PALD1: variants seen among roughly 807,000 people sequenced by gnomAD.
The protein encoded by PALD1 is phosphatase domain containing paladin 1.
PALD1 carries 57 observed loss-of-function variants against 96.0 expected under a neutral mutation model. That is an observed-to-expected ratio of 0.59 (90% confidence interval 0.48 to 0.74). The LOEUF is 0.74. Ranked by LOEUF, PALD1 falls within the 30% of genes least tolerant of loss-of-function variation. The probability of loss-of-function intolerance (pLI) is 0.00; values close to 1 mark genes in which losing one functional copy is unlikely to be tolerated. For missense variants in PALD1, 1,063 were observed against 1,143.7 expected (o/e 0.93, Z 1.02); for synonymous variants, 464 against 473.6 (o/e 0.98, Z 0.26).
At chr10:70,526,384 C>T (rs941918414) in intron 2 of PALD1, among the ~76,000 whole-genome samples, 7 of 152,096 alleles carry the variant, frequency 4.6e-5, no homozygotes, top group East Asian at 3.9e-4. Context: ...TGGGGGAATG[C>T]GGAGGAGGAG....
At position 70,533,158 on chromosome 10, in the gene PALD1, C is replaced by T; in HGVS notation, c.870+88C>T. 3 of 1,041,770 alleles carry T rather than the reference C, an allele frequency of 2.9e-6. No homozygotes were observed. The South Asian group carries it at 4.1e-5, about 14-fold the overall frequency. 64.5% of individuals were successfully genotyped at this position (1,041,770 alleles called of 1,614,324 possible). A position where few individuals can be genotyped will look rare whatever the true frequency, so the allele number is the denominator to read the frequency against. On this transcript the variant is annotated intron_variant, in intron 7 of 19. Transcript: ENST00000263563. ...AGGGTGGGCACAGCCTCTCGCCTTC[C>T]TCAGAGGAAGGCTTCATTCTGTGTT...
At chr10:70,520,035 G>A (rs1175104549) in intron 1 of PALD1, among the ~76,000 whole-genome samples, 2 of 152,204 alleles carry the variant, frequency 1.3e-5, no homozygotes, top group African/African-American at 4.8e-5. Flanking sequence ...GGGTCTTGCA[G>A]CAACAGCCAT....
At chr10:70,473,812 A>AT (rs1256803307), upstream of PALD1, among the ~76,000 whole-genome samples, 11 of 151,616 alleles carry the variant, frequency 7.3e-5, no homozygotes, top group Admixed American at 1.3e-4. Context: ...TGCCTGGCTA[A>AT]TTTTTTTGTA....
intron 1 of PALD1, among the ~76,000 whole-genome samples, chr10:70,518,212 A>G (rs1846656194): frequency 6.6e-6 from 1 of 152,160 alleles, no homozygotes; most frequent in Non-Finnish European, 1.5e-5. Context: ...GCTGTGTGGT[A>G]TATTATGGTG....
rs558479166 is a variant in PALD1 at position 70,545,955 on chromosome 10, G to A, written c.2122-1351G>A. ...CTACTGCTTAAAAAATAAGCACCTC[G>A]ACCAGGCGTGGTGGCTCATGCCTGT... On this transcript the variant is annotated intron_variant, in intron 17 of 19. Coordinates refer to ENST00000263563, the MANE Select transcript of PALD1 (RefSeq NM_014431.3). Among the ~76,000 whole-genome samples, 9 of 152,162 alleles carry A rather than the reference G, an allele frequency of 5.9e-5. No homozygotes were observed. In the South Asian group the frequency reaches 1.5e-3, roughly 25 times the overall value.
chr10:70,541,326 A>G, intron 16 of PALD1, 84 bp downstream of exon 16: 1 of 1,532,642 alleles, frequency 6.5e-7, no homozygotes, highest in Non-Finnish European at 8.9e-7. Flanking sequence ...GCTCCACAGG[A>G]GGGTGTGAGG....
intron 18 of PALD1, among the ~76,000 whole-genome samples, chr10:70,557,371 G>A (rs943122366): frequency 4.6e-5 from 7 of 152,170 alleles, no homozygotes; most frequent in East Asian, 1.9e-4. Flanking sequence ...CTTGAGGAAC[G>A]AGACTGTGTC....
At chr10:70,480,983 C>T (rs773152470) in intron 1 of PALD1, among the ~76,000 whole-genome samples, 3 of 152,210 alleles carry the variant, frequency 2.0e-5, no homozygotes, top group Non-Finnish European at 2.9e-5. Context: ...TACATGAACC[C>T]ATCAGCGTGG....
intron 18 of PALD1, among the ~76,000 whole-genome samples, chr10:70,555,616 C>T (rs1304226088): frequency 6.6e-6 from 1 of 152,182 alleles, no homozygotes. Context: ...AGACCAGCTC[C>T]GTGCCCCAAG....
chr10:70,556,593 C>T (rs1847617262), intron 18 of PALD1, among the ~76,000 whole-genome samples: 2 of 152,206 alleles, frequency 1.3e-5, no homozygotes, highest in African/African-American at 4.8e-5. Context: ...GCTGGGATTA[C>T]AGGTGTGAGC....
chr10:70,501,624 G>A (rs1044658615), intron 1 of PALD1, among the ~76,000 whole-genome samples: 8 of 152,218 alleles, frequency 5.3e-5, no homozygotes, highest in Admixed American at 4.6e-4. Context: ...GGTTGCTGGT[G>A]TCAGTGGCCA....
At position 70,534,673 on chromosome 10, in the gene PALD1, G is replaced by A. The variant is rs568870173; in HGVS notation, c.1123-66G>A. 1.5e-4 allele frequency: 196 copies of A among 1,265,364 alleles called. 1 individual carries two copies. In the East Asian group the frequency reaches 3.4e-3, roughly 22 times the overall value. 78.4% of individuals were successfully genotyped at this position (1,265,364 alleles called of 1,614,324 possible). On this transcript the variant is annotated intron_variant, in intron 9 of 19. Coordinates refer to ENST00000263563, the MANE Select transcript of PALD1 (RefSeq NM_014431.3). ...CCTCTCTTTTCTCTTTTCTCCTGCCGTTCTGCCTTGACCCTGCTCCCCACC... is the reference window on the plus strand; with the variant it reads ...CCTCTCTTTTCTCTTTTCTCCTGCCATTCTGCCTTGACCCTGCTCCCCACC...
intron 1 of PALD1, among the ~76,000 whole-genome samples, chr10:70,525,496 C>T (rs192116900): frequency 2.0e-4 from 30 of 152,000 alleles, no homozygotes; most frequent in Non-Finnish European, 3.2e-4. Flanking sequence ...TCCTTCTTTG[C>T]ATCTGTCTGC....
At chr10:70,482,998 T>C (rs1183365488) in intron 1 of PALD1, among the ~76,000 whole-genome samples, 2 of 152,146 alleles carry the variant, frequency 1.3e-5, no homozygotes, top group African/African-American at 4.8e-5. Context: ...CTGAGCTTTC[T>C]TGGCCCTGGG....
chr10:70,523,257 CGGAGGT>C lies in PALD1; in HGVS notation c.-29-2664_-29-2659del, dbSNP rs1386377755. ...CTGGGGGCAGGCAGGGGAGGAGAGG[CGGAGGT>C]GTCAGGCCGAGCCCAGCCCTGTGGG... On this transcript the variant is annotated intron_variant, in intron 1 of 19. Transcript: ENST00000263563. 3.5e-3 allele frequency among the ~76,000 whole-genome samples: 536 copies of C among 152,258 alleles called. 1 individual carries two copies. Among genetic ancestry groups the C allele is most frequent in the African/African-American group, 0.012 (513 of 41,570 alleles).
chr10:70,560,404 G>T (rs569179255), intron 18 of PALD1, among the ~76,000 whole-genome samples: 89 of 151,706 alleles, frequency 5.9e-4, no homozygotes, highest in Non-Finnish European at 1.0e-3. Flanking sequence ...CCTACTCTTT[G>T]AAGGGTTAAC....
intron 1 of PALD1, among the ~76,000 whole-genome samples, chr10:70,521,792 C>T (rs181288547): frequency 1.3e-5 from 2 of 151,988 alleles, no homozygotes; most frequent in African/African-American, 4.8e-5. Flanking sequence ...CTTTGGCCTT[C>T]CAAAGTGCTA....
chr10:70,467,396 T>C, the PALD1 span, among the ~76,000 whole-genome samples: 1 of 124,750 alleles, frequency 8.0e-6, no homozygotes, highest in East Asian at 2.8e-4. Flanking sequence ...GCTCTGGTGG[T>C]CCCAGTGGTG....
upstream of PALD1, among the ~76,000 whole-genome samples, chr10:70,477,896 C>T (rs1845850679): frequency 9.2e-6 from 1 of 108,978 alleles, no homozygotes; most frequent in South Asian, 2.9e-4. Context: ...CACAACAAAG[C>T]CTATCTCTCC....
Sources: gnomAD v4.1 joint callset for allele counts (sites outside exome capture counted in the v4.1 genomes callset) on GRCh38, gnomAD v4.1.1 for gene constraint, MANE v1.5 for transcripts, NCBI Gene and HGNC (gene_info 2026-07-23, HGNC 2026-07-21) for gene names.